Variants in ROBO2 observed in about 807,000 individuals in gnomAD.
The protein encoded by ROBO2 is roundabout guidance receptor 2.
In ROBO2, 53 loss-of-function variants were observed where a neutral mutation model predicts 160.8. The ratio of observed to expected loss-of-function variants is 0.33; its 90% CI spans 0.26 to 0.41. ROBO2 has a LOEUF of 0.41. Among genes scored for constraint, ROBO2 ranks in the 10% least tolerant of loss-of-function variants. The pLI is 1.00. For missense variants in ROBO2, 1,577 were observed against 1,722.4 expected, an observed-to-expected ratio of 0.92 and a Z score of 1.49; for synonymous variants, 664 against 611.7, an observed-to-expected ratio of 1.09 and a Z score of -1.26.
intron 2 of ROBO2, among the ~76,000 whole-genome samples, chr3:76,551,297 A>G (rs2083404531): frequency 6.6e-6 from 1 of 151,832 alleles, no homozygotes; most frequent in South Asian, 2.1e-4. Flanking sequence ...CTACCTACTA[A>G]AGGTCTACTC....
chr3:77,421,889 G>C (rs939196864), intron 2 of ROBO2, among the ~76,000 whole-genome samples: 3 of 151,848 alleles, frequency 2.0e-5, no homozygotes, highest in African/African-American at 7.3e-5. Flanking sequence ...AACAAGATCT[G>C]CTGTCTAAAA....
At chr3:76,856,695 A>G (rs774077709) in intron 2 of ROBO2, among the ~76,000 whole-genome samples, 2 of 152,216 alleles carry the variant, frequency 1.3e-5, no homozygotes, top group African/African-American at 4.8e-5. Flanking sequence ...TTCTCAGGTA[A>G]TGATGATGGT....
chr3:76,592,728 C>T (rs2108842952), intron 2 of ROBO2, among the ~76,000 whole-genome samples: 1 of 151,406 alleles, frequency 6.6e-6, no homozygotes, highest in South Asian at 2.1e-4. Flanking sequence ...CTTTCTACTC[C>T]AAGTTTCTAC....
chr3:76,008,957 G>A (rs553598698), intron 2 of ROBO2, among the ~76,000 whole-genome samples: 1 of 152,098 alleles, frequency 6.6e-6, no homozygotes, highest in Non-Finnish European at 1.5e-5. Context: ...AACAGAGGGA[G>A]TATGATCTAA....
chr3:76,203,157 C>G (rs35260771), intron 2 of ROBO2, among the ~76,000 whole-genome samples: 1 of 151,804 alleles, frequency 6.6e-6, no homozygotes, highest in East Asian at 1.9e-4. Context: ...TCAAATCCCC[C>G]CCAGATCCAC....
intron 2 of ROBO2, among the ~76,000 whole-genome samples, chr3:77,253,876 C>T (rs913216892): frequency 1.3e-5 from 2 of 151,954 alleles, no homozygotes; most frequent in Non-Finnish European, 2.9e-5. Context: ...TTACGAACCT[C>T]TAATCTGTAA....
chr3:76,373,322 A>G (rs1215444251), intron 2 of ROBO2, among the ~76,000 whole-genome samples: 6 of 151,960 alleles, frequency 3.9e-5, no homozygotes. Flanking sequence ...TAATTCTTTT[A>G]TTTAGTAATT....
At chr3:77,491,236 C>A (rs550929977) in intron 4 of ROBO2, among the ~76,000 whole-genome samples, 1 of 152,150 alleles carries the variant, frequency 6.6e-6, no homozygotes, top group Non-Finnish European at 1.5e-5. Context: ...GAGAGAAAGA[C>A]TTCTCTAGCT....
chr3:76,216,089 A>C (rs912023711), intron 2 of ROBO2, among the ~76,000 whole-genome samples: 4 of 152,150 alleles, frequency 2.6e-5, no homozygotes, highest in South Asian at 2.1e-4. Context: ...GAAATAAAAT[A>C]CTTTACAGAC....
In ROBO2 at chr3:76,770,360, A is replaced by G. The variant is rs138278419; in HGVS notation, c.110-327654A>G. Among the ~76,000 whole-genome samples the G allele has an allele frequency of 3.4e-3, 514 of 151,490 alleles. 4 individuals are homozygous for G. Among genetic ancestry groups the G allele is most frequent in the African/African-American group, 0.012 (493 of 41,464 alleles). On this transcript the variant is annotated intron_variant, in intron 2 of 26. Transcript: ENST00000487694. Reference sequence around the variant, plus strand: ...TCACTTATTAAATATACTGATGGAAAATACAACCACTCATCATAGTGGTGC... The same window carrying G: ...TCACTTATTAAATATACTGATGGAAGATACAACCACTCATCATAGTGGTGC...
intron 2 of ROBO2, among the ~76,000 whole-genome samples, chr3:76,437,637 A>T (rs934485251): frequency 6.6e-6 from 1 of 152,302 alleles, no homozygotes; most frequent in African/African-American, 2.4e-5. Context: ...CATACTTGTT[A>T]TCTTAAAAAT....
At chr3:77,538,915 T>A (rs1294271961) in intron 6 of ROBO2, 1 of 468,304 alleles carries the variant, frequency 2.1e-6, no homozygotes, top group Non-Finnish European at 4.3e-6. Context: ...AACTTTTTAA[T>A]TTTTTTTCTT....
At chr3:76,647,984 A>G (rs2091063365) in intron 2 of ROBO2, among the ~76,000 whole-genome samples, 2 of 152,338 alleles carry the variant, frequency 1.3e-5, no homozygotes, top group East Asian at 1.9e-4. Flanking sequence ...GCCATAAAAC[A>G]TACAGTTAAA....
intron 1 of ROBO2, among the ~76,000 whole-genome samples, chr3:75,936,717 T>A (rs1947795752): frequency 6.6e-6 from 1 of 152,114 alleles, no homozygotes; most frequent in South Asian, 2.1e-4. Flanking sequence ...TTAGAGCTAC[T>A]GTGTATCATT....
chr3:77,239,502 A>G (rs985532904), intron 2 of ROBO2, among the ~76,000 whole-genome samples: 1 of 152,182 alleles, frequency 6.6e-6, no homozygotes, highest in Non-Finnish European at 1.5e-5. Context: ...CACTGTGGAA[A>G]GGGACCCCAG....
chr3:76,305,568 A>G (rs2071303277), intron 2 of ROBO2, among the ~76,000 whole-genome samples: 1 of 151,660 alleles, frequency 6.6e-6, no homozygotes, highest in South Asian at 2.1e-4. Context: ...AGACCAGCCT[A>G]GCCACCATGG....
intron 2 of ROBO2, among the ~76,000 whole-genome samples, chr3:77,099,511 T>C (rs1211213621): frequency 6.6e-6 from 1 of 152,194 alleles, no homozygotes; most frequent in Admixed American, 6.5e-5. Context: ...AGTAGGACTT[T>C]AGTTAACAAT....
chr3:76,848,109 A>C (rs192978096), intron 2 of ROBO2, among the ~76,000 whole-genome samples: 1 of 152,214 alleles, frequency 6.6e-6, no homozygotes, highest in Non-Finnish European at 1.5e-5. Flanking sequence ...CATCTCTTTC[A>C]TCCCTTTTTG....
Position 77,025,227 on chromosome 3 carries a change from G to A in ROBO2, c.110-72787G>A, listed in dbSNP as rs868432801. 7.2e-5 allele frequency among the ~76,000 whole-genome samples: 11 copies of A among 152,050 alleles called. No individual in the cohort carries two copies. The South Asian group carries it at 8.3e-4, about 11-fold the overall frequency. Reference sequence around the variant, plus strand: ...GTCAATTAATGTCCTTTGCATTTGAGCTCTTAGTTATTATTTTGGACTTGT... The same window carrying A: ...GTCAATTAATGTCCTTTGCATTTGAACTCTTAGTTATTATTTTGGACTTGT... On this transcript the variant is annotated intron_variant, in intron 2 of 26. Transcript: ENST00000487694.
Sources: gnomAD v4.1 joint callset for allele counts (sites outside exome capture counted in the v4.1 genomes callset) on GRCh38, gnomAD v4.1.1 for gene constraint, MANE v1.5 for transcripts, NCBI Gene and HGNC (gene_info 2026-07-23, HGNC 2026-07-21) for gene names.